The following KAZN variants were observed in gnomAD, a reference collection of about 807,000 sequenced individuals.
KAZN encodes kazrin, periplakin interacting protein.
A neutral mutation model predicts 87.4 loss-of-function variants in KAZN; 40 were observed. The ratio of observed to expected loss-of-function variants is 0.46; its 90% confidence interval spans 0.36 to 0.60. KAZN has a LOEUF of 0.60. Ranked by LOEUF, KAZN falls within the 20% of genes least tolerant of loss-of-function variation. The probability of loss-of-function intolerance (pLI) is 0.00; values close to 1 mark genes in which losing one functional copy is unlikely to be tolerated. For synonymous variants in KAZN, 466 were observed against 458.3 expected (o/e 1.02, Z -0.22); for missense variants, 898 against 1,073.9 (o/e 0.84, Z 2.29).
rs528253588 is a variant in KAZN at position 14,257,314 on chromosome 1, G to T, written c.249+76722G>T. 2.4e-3 allele frequency among the ~76,000 whole-genome samples: 350 copies of T among 147,562 alleles called. 1 individual carries two copies. The highest frequency in any genetic ancestry group is 8.5e-3 in the African/African-American group (334 of 39,496). ...TGTCCTTCGCCCACTTTTTGATGGG[G>T]TTGTTTGTTTTTTTCTTGTAAATTT... On this transcript the variant is annotated intron_variant, in intron 2 of 16. Coordinates refer to the KAZN transcript ENST00000636203.
At chr1:14,806,477 TTCTCAGCCGGATGGC>T (rs1257389360) in intron 1 of KAZN, among the ~76,000 whole-genome samples, 1 of 152,210 alleles carries the variant, frequency 6.6e-6, no homozygotes, top group Non-Finnish European at 1.5e-5. Flanking sequence ...CATTTGGGCT[TTCTCAGCCGGATGGC>T]TCTCAGAGAA....
intron 8 of KAZN, among the ~76,000 whole-genome samples, chr1:15,076,540 C>T (rs10927668): frequency 0.39 from 59,449 of 152,108 alleles, 13,739 homozygotes; most frequent in East Asian, 0.78. Flanking sequence ...ATCCAAGACA[C>T]CCCAGCTGCT....
chr1:13,948,792 T>C (rs968747465), intron 1 of KAZN, among the ~76,000 whole-genome samples: 1 of 152,202 alleles, frequency 6.6e-6, no homozygotes, highest in East Asian at 1.9e-4. Context: ...CTCAGAAGTA[T>C]TGCTGGCTCC....
At chr1:14,206,253 GTTTTT>G (rs960766603) in intron 2 of KAZN, among the ~76,000 whole-genome samples, 3 of 151,926 alleles carry the variant, frequency 2.0e-5, no homozygotes, top group Non-Finnish European at 2.9e-5. Context: ...CTGACTTTTT[GTTTTT>G]TTCTTTTCTG....
chr1:14,648,707 T>C (rs1680993036), intron 1 of KAZN, among the ~76,000 whole-genome samples: 1 of 152,204 alleles, frequency 6.6e-6, no homozygotes. Flanking sequence ...GGTGGTTCCT[T>C]CCGTGAATAC....
intron 1 of KAZN, among the ~76,000 whole-genome samples, chr1:14,009,470 A>T (rs535378932): frequency 4.6e-5 from 7 of 152,312 alleles, no homozygotes; most frequent in African/African-American, 1.7e-4. Context: ...CATCTTCATC[A>T]ACACTTGTTT....
intron 1 of KAZN, among the ~76,000 whole-genome samples, chr1:13,984,150 A>G (rs1638895313): frequency 6.6e-6 from 1 of 152,096 alleles, no homozygotes; most frequent in Non-Finnish European, 1.5e-5. Context: ...AGCTGGGACT[A>G]CAGGCGCCCG....
intron 1 of KAZN, among the ~76,000 whole-genome samples, chr1:14,600,773 A>G (rs1418962877): frequency 6.6e-6 from 1 of 152,132 alleles, no homozygotes; most frequent in Non-Finnish European, 1.5e-5. Context: ...GCATTTTGCT[A>G]AGAATCAAAA....
chr1:14,091,471 C>T (rs941863620), intron 1 of KAZN, among the ~76,000 whole-genome samples: 3 of 152,018 alleles, frequency 2.0e-5, no homozygotes, highest in African/African-American at 7.2e-5. Flanking sequence ...TTTTTCTAGC[C>T]TTAGGAAGGT....
chr1:14,497,870 C>G (rs1670034161), intron 2 of KAZN, among the ~76,000 whole-genome samples: 2 of 151,966 alleles, frequency 1.3e-5, no homozygotes, highest in African/African-American at 4.8e-5. Context: ...GAAGAAAAGG[C>G]AGAGTGACAA....
At chr1:14,254,410 C>A (rs2100625879) in intron 2 of KAZN, among the ~76,000 whole-genome samples, 1 of 152,292 alleles carries the variant, frequency 6.6e-6, no homozygotes, top group South Asian at 2.1e-4. Context: ...GAAGTGAAAG[C>A]TGCACTCGAC....
chr1:14,324,383 C>T (rs775458977), intron 2 of KAZN, among the ~76,000 whole-genome samples: 1 of 152,148 alleles, frequency 6.6e-6, no homozygotes, highest in East Asian at 1.9e-4. Flanking sequence ...TACTTATTTC[C>T]TGCTTGCACC....
intron 1 of KAZN, among the ~76,000 whole-genome samples, chr1:14,646,575 C>T: frequency 6.6e-6 from 1 of 152,108 alleles, no homozygotes; most frequent in Non-Finnish European, 1.5e-5. Flanking sequence ...CTGACATTTG[C>T]AGCTGGATGA....
At chr1:15,103,509 C>CTATGCAAATCA (rs1641164028) in intron 12 of KAZN, 49 bp downstream of exon 12, 1 of 1,196,746 alleles carries the variant, frequency 8.4e-7, no homozygotes, top group African/African-American at 1.7e-5. Flanking sequence ...TACACAAACC[C>CTATGCAAATCA]CATGCAAATC....
intron 2 of KAZN, among the ~76,000 whole-genome samples, chr1:14,557,660 GT>G (rs1467082535): frequency 0.014 from 1,917 of 135,486 alleles, 39 homozygotes; most frequent in African/African-American, 0.048. Flanking sequence ...GTGTGTGTGT[GT>G]GTGTGGTGTG....
chr1:14,729,990 T>G (rs1643603011), intron 1 of KAZN, among the ~76,000 whole-genome samples: 1 of 152,202 alleles, frequency 6.6e-6, no homozygotes, highest in Admixed American at 6.5e-5. Context: ...ACTGCTTTTG[T>G]GCTGCGATGA....
intron 2 of KAZN, among the ~76,000 whole-genome samples, chr1:14,275,370 C>G (rs1652263470): frequency 6.7e-6 from 1 of 150,308 alleles, no homozygotes; most frequent in Non-Finnish European, 1.5e-5. Flanking sequence ...AGGGAGAGAC[C>G]CAGGAATCTG....
chr1:14,996,362 T>C lies in KAZN; in HGVS notation c.418+35487T>C, dbSNP rs1667859422. The stretch of plus-strand genomic sequence containing the variant: ...GGTCCTGACACTGGATTTTAACATA[T>C]TGGGTTGCTTGGCTGTCCCGGCACA... On this transcript the variant is annotated intron_variant, in intron 2 of 14. Transcript: ENST00000376030. The surrounding 1 kb of genome is among the most constrained non-coding windows in gnomAD (Gnocchi z 5.9). Among the ~76,000 whole-genome samples, 1 of 152,086 alleles carries C rather than the reference T, an allele frequency of 6.6e-6. No individual in the cohort carries two copies. Among genetic ancestry groups the C allele is most frequent in the African/African-American group, 2.4e-5 (1 of 41,402 alleles).
chr1:14,741,987 G>C (rs1165399120), intron 1 of KAZN, among the ~76,000 whole-genome samples: 3 of 151,832 alleles, frequency 2.0e-5, no homozygotes, highest in Non-Finnish European at 4.4e-5. Context: ...TTTTCCTTGT[G>C]GGAAGCCACA....
Sources: allele counts gnomAD v4.1 joint callset (sites outside exome capture counted in the v4.1 genomes callset), GRCh38; gene constraint gnomAD v4.1.1; non-coding constraint Gnocchi (gnomAD v3.1); transcripts MANE v1.5; gene names NCBI Gene and HGNC (gene_info 2026-07-23, HGNC 2026-07-21).